RSU1: variants seen among roughly 807,000 people sequenced by gnomAD.
RSU1 encodes rsu-1.
In RSU1, 26 loss-of-function variants were observed where a neutral mutation model predicts 31.1. That is an observed-to-expected ratio of 0.84 (90% CI 0.61 to 1.16). RSU1 has a LOEUF of 1.16. Ranked by LOEUF, RSU1 falls within the 50% of genes most tolerant of loss-of-function variation. The pLI is 0.00. For missense variants in RSU1, 320 were observed against 339.1 expected (o/e 0.94, Z 0.44); for synonymous variants, 164 against 136.3 (o/e 1.20, Z -1.41).
intron 4 of RSU1, among the ~76,000 whole-genome samples, chr10:16,760,242 G>A (rs1317469193): frequency 1.3e-5 from 2 of 152,210 alleles, no homozygotes; most frequent in African/African-American, 2.4e-5. Flanking sequence ...GGGCGCAGTG[G>A]CTCATGCCTG....
intron 2 of RSU1, among the ~76,000 whole-genome samples, chr10:16,801,731 G>C (rs1358646448): frequency 1.3e-5 from 2 of 151,772 alleles, no homozygotes; most frequent in African/African-American, 4.8e-5. Context: ...TCAAACGAAA[G>C]ATAGCTGAAA....
chr10:16,751,444 G>C (rs1357577850), intron 7 of RSU1, among the ~76,000 whole-genome samples: 2 of 152,132 alleles, frequency 1.3e-5, no homozygotes, highest in African/African-American at 4.8e-5. Flanking sequence ...GACTAATATG[G>C]CTGCCAACAG....
rs1278376883 is a variant in RSU1 at position 16,594,687 on chromosome 10, ATAT to A, written c.732-1194_732-1192del. ...ATTATCTATATCATATATTATCTGT[ATAT>A]TATATGTATCATAGATAATATATGA... On this transcript the variant is annotated intron_variant, in intron 8 of 8. Coordinates refer to ENST00000345264, the MANE Select transcript of RSU1 (RefSeq NM_012425.4). 3.6e-5 allele frequency among the ~76,000 whole-genome samples: 5 copies of A among 139,804 alleles called. No homozygotes were observed. The East Asian group carries it at 5.8e-4, about 16-fold the overall frequency. The allele number at this position is 139,804 out of a possible 152,430, so 91.7% of individuals were successfully genotyped here.
At chr10:16,600,357 G>A (rs1367006809) in intron 8 of RSU1, among the ~76,000 whole-genome samples, 5 of 152,154 alleles carry the variant, frequency 3.3e-5, no homozygotes, top group Non-Finnish European at 4.4e-5. Context: ...TGGGTTGGCA[G>A]GCTGGTGACT....
At chr10:16,732,476 C>T (rs1263181689) in intron 7 of RSU1, among the ~76,000 whole-genome samples, 1 of 152,198 alleles carries the variant, frequency 6.6e-6, no homozygotes, top group Non-Finnish European at 1.5e-5. Flanking sequence ...TGTGATGATA[C>T]AGAAAGGATG....
chr10:16,594,453 C>A (rs1411841019), intron 8 of RSU1, among the ~76,000 whole-genome samples: 4 of 151,214 alleles, frequency 2.6e-5, no homozygotes, highest in Non-Finnish European at 5.9e-5. Flanking sequence ...TCACTCTGCT[C>A]CCCAGGCTGG....
chr10:16,594,624 T>C (rs553468531), intron 8 of RSU1, among the ~76,000 whole-genome samples: 3 of 144,036 alleles, frequency 2.1e-5, no homozygotes, highest in Admixed American at 2.1e-4. Flanking sequence ...ATATGATATA[T>C]ATGATAGATA....
rs1836647844 is a variant in RSU1 at position 16,737,328 on chromosome 10, C to T, written c.598+15211G>A. 4.0e-5 allele frequency among the ~76,000 whole-genome samples: 6 copies of T among 151,748 alleles called. No homozygotes were observed. The South Asian group carries it at 1.2e-3, about 31-fold the overall frequency. On this transcript the variant is annotated intron_variant, in intron 7 of 8. Transcript: ENST00000345264. The stretch of plus-strand genomic sequence containing the variant: ...AATAAAGAACATGTTACATGAGAAA[C>T]TGCTAAAACCCAATGATAAACAGAA...
chr10:16,690,957 G>A (rs1835537092), intron 8 of RSU1, among the ~76,000 whole-genome samples: 1 of 151,986 alleles, frequency 6.6e-6, no homozygotes, highest in Non-Finnish European at 1.5e-5. Flanking sequence ...AAATATATAA[G>A]TAAGGATTCT....
chr10:16,675,558 G>A lies in RSU1; in HGVS notation c.731+19465C>T, dbSNP rs151268010. Among the ~76,000 whole-genome samples the A allele has an allele frequency of 9.6e-4, 146 of 152,218 alleles. No homozygotes were observed. In the East Asian group the frequency reaches 0.013, roughly 14 times the overall value. ...CAATTCCAGAACACTAGAGACCAGCGTCAGGAAGAGACAAGAAAAGGAAAA... is the reference window on the plus strand; with the variant it reads ...CAATTCCAGAACACTAGAGACCAGCATCAGGAAGAGACAAGAAAAGGAAAA... On this transcript the variant is annotated intron_variant, in intron 8 of 8. Coordinates refer to ENST00000345264, the MANE Select transcript of RSU1 (RefSeq NM_012425.4).
intron 7 of RSU1, among the ~76,000 whole-genome samples, chr10:16,735,170 T>C (rs946719494): frequency 2.0e-5 from 3 of 152,220 alleles, no homozygotes; most frequent in Admixed American, 6.5e-5. Context: ...TCGGCTATAA[T>C]AGTGCATTAA....
chr10:16,684,377 CGAATTTTGGCAA>C (rs1835398974), intron 8 of RSU1, among the ~76,000 whole-genome samples: 1 of 152,104 alleles, frequency 6.6e-6, no homozygotes, highest in Non-Finnish European at 1.5e-5. Context: ...TCTCTAGATA[CGAATTTTGGCAA>C]GATAAAAAAA....
chr10:16,789,181 G>T (rs1032558201), intron 2 of RSU1, among the ~76,000 whole-genome samples: 6 of 152,200 alleles, frequency 3.9e-5, no homozygotes, highest in Non-Finnish European at 5.9e-5. Flanking sequence ...TAGCAGGAGA[G>T]AAACTAAAAA....
chr10:16,623,357 T>A, intron 8 of RSU1, among the ~76,000 whole-genome samples: 1 of 152,196 alleles, frequency 6.6e-6, no homozygotes, highest in East Asian at 1.9e-4. Flanking sequence ...CTGCAAAGGA[T>A]GTAATCTCAT....
chr10:16,674,626 G>C (rs1301867903), intron 8 of RSU1, among the ~76,000 whole-genome samples: 4 of 152,012 alleles, frequency 2.6e-5, no homozygotes, highest in Non-Finnish European at 5.9e-5. Flanking sequence ...GGCAGGAGTG[G>C]GTGGTGGGCG....
chr10:16,681,964 G>A (rs910341479), intron 8 of RSU1, among the ~76,000 whole-genome samples: 1 of 151,930 alleles, frequency 6.6e-6, no homozygotes, highest in Non-Finnish European at 1.5e-5. Context: ...TGTCTTTACA[G>A]CATGGTGCAT....
At chr10:16,762,882 G>A (rs1314943612) in intron 4 of RSU1, among the ~76,000 whole-genome samples, 4 of 151,874 alleles carry the variant, frequency 2.6e-5, no homozygotes, top group East Asian at 3.9e-4. Context: ...GCATGGTGGC[G>A]CACGCCTGTA....
chr10:16,703,201 C>T (rs78690546), intron 7 of RSU1, among the ~76,000 whole-genome samples: 43 of 152,332 alleles, frequency 2.8e-4, no homozygotes, highest in African/African-American at 9.6e-4. Flanking sequence ...CCATGCAGAA[C>T]TCTGAGCCAA....
intron 3 of RSU1, among the ~76,000 whole-genome samples, chr10:16,771,830 G>A (rs1405345020): frequency 6.6e-6 from 1 of 152,210 alleles, no homozygotes; most frequent in African/African-American, 2.4e-5. Context: ...TAAAGTTTAT[G>A]AAACAGTAAA....
Sources: gnomAD v4.1 joint callset for allele counts (sites outside exome capture counted in the v4.1 genomes callset) on GRCh38, gnomAD v4.1.1 for gene constraint, MANE v1.5 for transcripts, NCBI Gene and HGNC (gene_info 2026-07-23, HGNC 2026-07-21) for gene names.